Variants in CACNB2 observed in about 807,000 individuals in gnomAD.
CACNB2 encodes calcium voltage-gated channel auxiliary subunit beta 2.
Under a neutral mutation model 73.3 loss-of-function variants are expected in CACNB2, and 42 were observed. The observed-to-expected ratio is 0.57, with a 90% CI of 0.45 to 0.74. The LOEUF (loss-of-function observed/expected upper bound fraction) is 0.74, where lower values mean the gene tolerates loss of function less well. Ranked by LOEUF, CACNB2 falls within the 30% of genes least tolerant of loss-of-function variation. CACNB2 has a pLI of 0.00. For missense variants in CACNB2, 940 were observed against 853.0 expected (o/e 1.10, Z -1.27); for synonymous variants, 348 against 310.3 (o/e 1.12, Z -1.28).
intron 5 of CACNB2, among the ~76,000 whole-genome samples, chr10:18,502,889 C>T (rs2050285142): frequency 6.6e-6 from 1 of 151,752 alleles, no homozygotes; most frequent in African/African-American, 2.4e-5. Context: ...ACAAAATAAT[C>T]TGTACACCAA....
At chr10:18,401,699 A>G (rs945841246) in intron 2 of CACNB2, among the ~76,000 whole-genome samples, 1 of 152,208 alleles carries the variant, frequency 6.6e-6, no homozygotes, top group Non-Finnish European at 1.5e-5. Flanking sequence ...TTTTTGGAAT[A>G]TAAAGCTTGG....
Position 18,214,162 on chromosome 10 carries a change from G to A in CACNB2, c.213+63187G>A, listed in dbSNP as rs529969241. ...TAGAAGTATAAGTTCTTCTGAAAGG[G>A]ACCCAAGCTAAAGTTTCCACGACAG... is the stretch of plus-strand genomic sequence containing the variant. On this transcript the variant is annotated intron_variant, in intron 2 of 13. Transcript: ENST00000324631. Among the ~76,000 whole-genome samples, 73 of 21,648 alleles carry A rather than the reference G, an allele frequency of 3.4e-3. 18 individuals are homozygous for A. Among genetic ancestry groups the A allele is most frequent in the African/African-American group, 4.6e-3 (68 of 14,914 alleles). The allele number at this position is 21,648 out of a possible 152,430, so 14.2% of individuals were successfully genotyped here.
chr10:18,527,348 C>G (rs1232805378), intron 9 of CACNB2, among the ~76,000 whole-genome samples: 1 of 151,572 alleles, frequency 6.6e-6, no homozygotes, highest in Non-Finnish European at 1.5e-5. Flanking sequence ...TGCATTGCAG[C>G]CTGGGCAGCC....
intron 2 of CACNB2, among the ~76,000 whole-genome samples, chr10:18,275,176 A>C (rs2038227160): frequency 1.3e-5 from 2 of 152,152 alleles, no homozygotes; most frequent in African/African-American, 4.8e-5. Context: ...ATCTGGAGAA[A>C]ATGGCAGCAG....
In CACNB2 at chr10:18,400,964, G is replaced by T. The variant is rs569402536; in HGVS notation, c.214-960G>T. Reference sequence around the variant, plus strand: ...TAGGAAAGGAGCTGGGGTTCTCCGGGGCTCAGCGCGCACTGAGAACCTGTG... The same window carrying T: ...TAGGAAAGGAGCTGGGGTTCTCCGGTGCTCAGCGCGCACTGAGAACCTGTG... On this transcript the variant is annotated intron_variant, in intron 2 of 13. Transcript: ENST00000324631. The T allele has an allele frequency of 3.9e-5, 63 of 1,611,272 alleles. No homozygotes were observed. In the African/African-American group the frequency reaches 7.6e-4, roughly 19 times the overall value.
intron 1 of CACNB2, 28 bp from the exon 2 acceptor site, chr10:18,150,855 C>CTTTTTGTTT: frequency 6.2e-6 from 3 of 483,390 alleles, no homozygotes; most frequent in Non-Finnish European, 9.2e-6. Context: ...TCTTATTTGT[C>CTTTTTGTTT]TTTTTTTTTT....
chr10:18,166,904 T>G (rs1420614427), intron 2 of CACNB2, among the ~76,000 whole-genome samples: 1 of 152,046 alleles, frequency 6.6e-6, no homozygotes, highest in Non-Finnish European at 1.5e-5. Flanking sequence ...TAATAAAAAA[T>G]AAATAAAATA....
chr10:18,251,593 C>T (rs1255380621), intron 2 of CACNB2, among the ~76,000 whole-genome samples: 4 of 152,170 alleles, frequency 2.6e-5, no homozygotes, highest in African/African-American at 9.7e-5. Flanking sequence ...CTGTATTAGT[C>T]CGTTCTCACA....
At chr10:18,423,818 A>G (rs983316396) in intron 3 of CACNB2, among the ~76,000 whole-genome samples, 18 of 152,212 alleles carry the variant, frequency 1.2e-4, no homozygotes, top group African/African-American at 2.4e-4. Context: ...ATAAAATGCA[A>G]TGACATGACC....
chr10:18,210,558 G>C (rs2035277181), intron 2 of CACNB2, among the ~76,000 whole-genome samples: 1 of 152,038 alleles, frequency 6.6e-6, no homozygotes, highest in Admixed American at 6.6e-5. Context: ...TGGATTGCTG[G>C]TTCTGCCACT....
chr10:18,431,917 G>A (rs746733938), intron 3 of CACNB2, among the ~76,000 whole-genome samples: 1 of 151,968 alleles, frequency 6.6e-6, no homozygotes, highest in African/African-American at 2.4e-5. Context: ...GGCGTGTGCC[G>A]CTATACCCAG....
At chr10:18,355,960 A>G (rs750654853) in intron 2 of CACNB2, among the ~76,000 whole-genome samples, 2 of 151,916 alleles carry the variant, frequency 1.3e-5, no homozygotes, top group Non-Finnish European at 2.9e-5. Flanking sequence ...CTCCTCTGTA[A>G]TGTCCGAGTC....
intron 2 of CACNB2, among the ~76,000 whole-genome samples, chr10:18,155,429 G>C (rs1197816129): frequency 6.6e-6 from 1 of 152,208 alleles, no homozygotes; most frequent in Non-Finnish European, 1.5e-5. Flanking sequence ...ATTCCACTGT[G>C]TGGAAAGACC....
At chr10:18,383,275 GA>G (rs1342553547) in intron 2 of CACNB2, among the ~76,000 whole-genome samples, 1 of 152,228 alleles carries the variant, frequency 6.6e-6, no homozygotes, top group Non-Finnish European at 1.5e-5. Context: ...AAGTGGAATA[GA>G]AAGAAATTGA....
chr10:18,530,357 C>G (rs531485982), intron 10 of CACNB2, among the ~76,000 whole-genome samples: 5 of 152,200 alleles, frequency 3.3e-5, no homozygotes, highest in East Asian at 3.9e-4. Context: ...GTTTGTTTTA[C>G]AGGAAGACAT....
intron 2 of CACNB2, among the ~76,000 whole-genome samples, chr10:18,273,640 T>C (rs1223710584): frequency 6.6e-6 from 1 of 152,122 alleles, no homozygotes; most frequent in Non-Finnish European, 1.5e-5. Context: ...AAATACAGAA[T>C]TGCCTTTCCA....
intron 2 of CACNB2, among the ~76,000 whole-genome samples, chr10:18,296,127 T>A (rs1040739386): frequency 6.6e-6 from 1 of 151,930 alleles, no homozygotes; most frequent in Non-Finnish European, 1.5e-5. Flanking sequence ...TTTTACCTAA[T>A]TTGATATGCA....
chr10:18,477,609 C>T (rs2048504519), intron 3 of CACNB2, among the ~76,000 whole-genome samples: 1 of 152,150 alleles, frequency 6.6e-6, no homozygotes, highest in Non-Finnish European at 1.5e-5. Flanking sequence ...CTAAAACAGT[C>T]TGTGGTCTGG....
intron 3 of CACNB2, among the ~76,000 whole-genome samples, chr10:18,448,405 G>A (rs1475780140): frequency 6.6e-6 from 1 of 151,220 alleles, no homozygotes; most frequent in Non-Finnish European, 1.5e-5. Context: ...AACCTGGGAG[G>A]CGGAGGTTGC....
Sources: gnomAD v4.1 joint callset for allele counts (sites outside exome capture counted in the v4.1 genomes callset) on GRCh38, gnomAD v4.1.1 for gene constraint, MANE v1.5 for transcripts, NCBI Gene and HGNC (gene_info 2026-07-23, HGNC 2026-07-21) for gene names.